Variants in SYNPR observed in about 807,000 individuals in gnomAD.
SYNPR encodes synaptoporin.
A neutral mutation model predicts 32.9 loss-of-function variants in SYNPR; 23 were observed. The ratio of observed to expected loss-of-function variants is 0.70; its 90% CI spans 0.50 to 0.99. SYNPR has a LOEUF of 0.99. Among genes scored for constraint, SYNPR ranks in the 50% least tolerant of loss-of-function variants. The pLI is 0.00. For synonymous variants in SYNPR, 146 were observed against 135.9 expected (o/e 1.07, Z -0.52); for missense variants, 318 against 349.3 (o/e 0.91, Z 0.71).
chr3:63,377,241 T>C (rs1028938069), intron 2 of SYNPR, among the ~76,000 whole-genome samples: 1 of 152,116 alleles, frequency 6.6e-6, no homozygotes, highest in African/African-American at 2.4e-5. Flanking sequence ...AGAAATAAAG[T>C]TTTCTTCCAA....
intron 2 of SYNPR, among the ~76,000 whole-genome samples, chr3:63,439,408 T>A (rs898518136): frequency 6.6e-6 from 1 of 152,222 alleles, no homozygotes; most frequent in Non-Finnish European, 1.5e-5. Context: ...TATTGGCATA[T>A]CACTTTATTT....
chr3:63,278,595 G>A (rs1472837251), intron 1 of SYNPR, 44 bp downstream of exon 1: 3 of 1,550,572 alleles, frequency 1.9e-6, no homozygotes, highest in East Asian at 2.4e-5. Flanking sequence ...AGCAGGGGGC[G>A]GGGGATGCCG....
At chr3:63,572,135 C>T (rs1478323684) in intron 4 of SYNPR, among the ~76,000 whole-genome samples, 2 of 152,114 alleles carry the variant, frequency 1.3e-5, no homozygotes, top group African/African-American at 4.8e-5. Context: ...CTTGGGTGTC[C>T]TGGGACAGCA....
chr3:63,275,052 C>T (rs142937080), upstream of SYNPR, among the ~76,000 whole-genome samples: 134 of 152,294 alleles, frequency 8.8e-4, no homozygotes, highest in African/African-American at 3.1e-3. Context: ...CAACACTGGC[C>T]ACTAAAATGG....
intron 2 of SYNPR, among the ~76,000 whole-genome samples, chr3:63,418,182 A>C (rs1559494120): frequency 1.3e-5 from 2 of 152,308 alleles, no homozygotes; most frequent in East Asian, 3.9e-4. Context: ...TCTCAAGTTC[A>C]AAGTTCCACA....
chr3:63,369,839 C>G (rs1278467570), intron 2 of SYNPR, among the ~76,000 whole-genome samples: 1 of 152,094 alleles, frequency 6.6e-6, no homozygotes, highest in Non-Finnish European at 1.5e-5. Flanking sequence ...CTTTATGTTT[C>G]CTTAACACTG....
chr3:63,249,374 T>C (rs1306580384), intron 1 of SYNPR, among the ~76,000 whole-genome samples: 1 of 152,100 alleles, frequency 6.6e-6, no homozygotes, highest in Non-Finnish European at 1.5e-5. Flanking sequence ...TGTGGTGATA[T>C]TCATCAATAT....
chr3:63,543,951 A>T (rs891467511), intron 3 of SYNPR, among the ~76,000 whole-genome samples: 1 of 152,070 alleles, frequency 6.6e-6, no homozygotes, highest in African/African-American at 2.4e-5. Context: ...TTCTAGTAAG[A>T]GAAAGAAGCA....
intron 2 of SYNPR, among the ~76,000 whole-genome samples, chr3:63,368,585 T>G (rs567184945): frequency 6.6e-6 from 1 of 152,042 alleles, no homozygotes; most frequent in Non-Finnish European, 1.5e-5. Flanking sequence ...GCCAGACGAG[T>G]GAATCTGGAC....
intron 1 of SYNPR, among the ~76,000 whole-genome samples, chr3:63,232,999 A>T (rs1484015234): frequency 6.6e-6 from 1 of 152,206 alleles, no homozygotes; most frequent in Non-Finnish European, 1.5e-5. Flanking sequence ...ACTAGAACTT[A>T]CTTTACTAAT....
At chr3:63,591,780 G>A (rs1248238349) in intron 4 of SYNPR, among the ~76,000 whole-genome samples, 4 of 122,284 alleles carry the variant, frequency 3.3e-5, no homozygotes, top group Non-Finnish European at 6.7e-5. Context: ...CACAGGAAGG[G>A]GAATATCACA....
chr3:63,491,000 G>T (rs1701248882), intron 3 of SYNPR, among the ~76,000 whole-genome samples: 1 of 152,080 alleles, frequency 6.6e-6, no homozygotes, highest in Non-Finnish European at 1.5e-5. Flanking sequence ...CTGACCTCAG[G>T]TGATCTGCCC....
At chr3:63,245,885 T>C (rs1282169408) in intron 1 of SYNPR, among the ~76,000 whole-genome samples, 1 of 151,966 alleles carries the variant, frequency 6.6e-6, no homozygotes, top group Admixed American at 6.6e-5. Context: ...ATTCATTAAA[T>C]TTGCTCCTGA....
chr3:63,218,001 A>G, the SYNPR span, among the ~76,000 whole-genome samples: 21 of 151,988 alleles, frequency 1.4e-4, no homozygotes, highest in African/African-American at 4.8e-4. Context: ...CTCTCTAGCT[A>G]TTTCTTTGGG....
the SYNPR span, among the ~76,000 whole-genome samples, chr3:63,210,803 T>C: frequency 7.9e-6 from 1 of 126,962 alleles, no homozygotes; most frequent in African/African-American, 2.9e-5. Context: ...CTCCCTTCCT[T>C]CCTTCCTTCC....
At chr3:63,603,439 C>G (rs897990796) in intron 4 of SYNPR, among the ~76,000 whole-genome samples, 4 of 152,094 alleles carry the variant, frequency 2.6e-5, no homozygotes, top group Non-Finnish European at 4.4e-5. Context: ...AAGGGGAATA[C>G]TTCTAGCTTT....
chr3:63,545,728 AT>A (rs1432960380), intron 3 of SYNPR, among the ~76,000 whole-genome samples: 1 of 152,098 alleles, frequency 6.6e-6, no homozygotes, highest in Non-Finnish European at 1.5e-5. Flanking sequence ...AATATTGGAG[AT>A]TAAATTATGA....
At chr3:63,566,754 G>A (rs1253921608) in intron 4 of SYNPR, among the ~76,000 whole-genome samples, 1 of 152,222 alleles carries the variant, frequency 6.6e-6, no homozygotes, top group African/African-American at 2.4e-5. Flanking sequence ...CAAATGAAGA[G>A]ACTAACGTTT....
intron 3 of SYNPR, among the ~76,000 whole-genome samples, chr3:63,494,384 T>C (rs1701315334): frequency 7.6e-6 from 1 of 130,856 alleles, no homozygotes; most frequent in African/African-American, 2.9e-5. Context: ...AGGGTGGATA[T>C]GTTAATTCTT....
Sources: allele counts gnomAD v4.1 joint callset (sites outside exome capture counted in the v4.1 genomes callset), GRCh38; gene constraint gnomAD v4.1.1; transcripts MANE v1.5; gene names NCBI Gene and HGNC (gene_info 2026-07-23, HGNC 2026-07-21).